The following TRANK1 variants were observed in gnomAD, a reference collection of about 807,000 sequenced individuals.
The protein encoded by TRANK1 is TPR and ankyrin repeat-containing protein 1.
A neutral mutation model predicts 266.0 loss-of-function variants in TRANK1; 198 were observed. That is an observed-to-expected ratio of 0.74 (90% CI 0.66 to 0.84). The LOEUF is 0.84. Among genes scored for constraint, TRANK1 ranks in the 40% least tolerant of loss-of-function variants. The pLI, the probability that TRANK1 is intolerant of heterozygous loss-of-function variation, is 0.00. For missense variants in TRANK1, 3,326 were observed against 3,634.6 expected (o/e 0.92, Z 2.18); for synonymous variants, 1,396 against 1,384.1 (o/e 1.01, Z -0.19).
rs190790392 is a variant in TRANK1, at chr3:36,923,893, G to A, written c.24-15439C>T. 6.7e-4 allele frequency among the ~76,000 whole-genome samples: 102 copies of A among 152,328 alleles called. 1 individual carries two copies. Among genetic ancestry groups the A allele is most frequent in the African/African-American group, 2.3e-3 (95 of 41,586 alleles). ...TTCTTAACCATCCTGGTGCTCTCCA[G>A]TGCTGCCTGAAGGCCAAAGGGTGAA... On this transcript the variant is annotated intron_variant, in intron 1 of 23. Coordinates refer to ENST00000645898, the MANE Select transcript of TRANK1 (RefSeq NM_001329998.2).
intron 8 of TRANK1, among the ~76,000 whole-genome samples, chr3:36,889,285 G>C (rs2079652339): frequency 6.6e-6 from 1 of 152,216 alleles, no homozygotes; most frequent in Non-Finnish European, 1.5e-5. Flanking sequence ...CTCTGAGAGA[G>C]TGAACACAGC....
At chr3:36,900,572 T>G (rs1330387542) in intron 3 of TRANK1, among the ~76,000 whole-genome samples, 1 of 151,950 alleles carries the variant, frequency 6.6e-6, no homozygotes, top group Non-Finnish European at 1.5e-5. Context: ...ACCAAAACAA[T>G]TTTCTGTCTC....
At position 36,943,137 on chromosome 3, in the gene TRANK1, A is replaced by G. The variant is rs61117941; in HGVS notation, c.23+1650T>C. On this transcript the variant is annotated intron_variant, in intron 1 of 23. Coordinates refer to ENST00000645898, the MANE Select transcript of TRANK1 (RefSeq NM_001329998.2). The stretch of plus-strand genomic sequence containing the variant: ...AACCCAGGAGGCGGAGGCTGCAGTG[A>G]GCCGAGATCGCCTCATTGCACTCCA... 3.1e-3 allele frequency among the ~76,000 whole-genome samples: 468 copies of G among 151,658 alleles called. 4 individuals carry two copies. Among genetic ancestry groups the G allele is most frequent in the African/African-American group, 0.011 (435 of 41,356 alleles).
In TRANK1 at chr3:36,855,591, C is replaced by A. The variant is rs1212566293; in HGVS notation, c.4131G>T (p.Gly1377=). 12 of 1,613,708 alleles carry A rather than the reference C, an allele frequency of 7.4e-6. No individual in the cohort carries two copies. The highest frequency in any genetic ancestry group is 1.0e-5 in the Non-Finnish European group (12 of 1,179,852). ...RLTEEVYKKL[G]RKRCPNFKED... is the part of the protein sequence containing the mutation. ...CCTTGAAATTGGGGCACCGTTTCCT[C>A]CCTAATTTCTTATATACTTCTTCAG... is the stretch of plus-strand genomic sequence containing the variant. Residue 1377 remains glycine, a synonymous_variant, in exon 13 of 24, where the codon GGG becomes GGT. Coordinates refer to ENST00000645898, the MANE Select transcript of TRANK1 (RefSeq NM_001329998.2).
chr3:36,889,799 G>A (rs2079660439), intron 8 of TRANK1, 30 bp downstream of exon 8: 1 of 1,513,750 alleles, frequency 6.6e-7, no homozygotes, highest in East Asian at 2.5e-5. Flanking sequence ...GCCAGCCACA[G>A]CGCACCCTCT....
intron 1 of TRANK1, among the ~76,000 whole-genome samples, chr3:36,943,953 C>T (rs1408373759): frequency 6.6e-6 from 1 of 152,154 alleles, no homozygotes; most frequent in African/African-American, 2.4e-5. Context: ...AAGCTTTCAA[C>T]TGCCCAGAAA....
chr3:36,852,788 A>C (rs1161829405), intron 13 of TRANK1, among the ~76,000 whole-genome samples: 55 of 150,592 alleles, frequency 3.7e-4, no homozygotes, highest in Non-Finnish European at 6.2e-4. Context: ...AAAAAAAAAA[A>C]AAAAAAAAAA....
intron 17 of TRANK1, 69 bp downstream of exon 17, chr3:36,846,179 C>A: frequency 1.4e-6 from 2 of 1,408,030 alleles, no homozygotes; most frequent in Non-Finnish European, 1.9e-6. Flanking sequence ...CCTTTTATTC[C>A]TGACCATAAG....
At chr3:36,834,571 A>T (rs2078741608) in intron 21 of TRANK1, 191 bp downstream of exon 21, 1 of 574,550 alleles carries the variant, frequency 1.7e-6, no homozygotes, top group East Asian at 3.0e-5. Context: ...CAAAGCTTAT[A>T]AAGAGACTGG....
chr3:36,868,477 AAGG>A, intron 9 of TRANK1, among the ~76,000 whole-genome samples: 1 of 152,342 alleles, frequency 6.6e-6, no homozygotes, highest in East Asian at 1.9e-4. Context: ...ATTATTTCAA[AAGG>A]AGATTTCATT....
chr3:36,914,626 A>ATTATTTAT (rs146080846), intron 1 of TRANK1, among the ~76,000 whole-genome samples: 17 of 151,036 alleles, frequency 1.1e-4, no homozygotes, highest in African/African-American at 3.7e-4. Context: ...ATTTTTCTAG[A>ATTATTTAT]TTATTTATTT....
Position 36,903,165 on chromosome 3 carries a change from T to G in TRANK1, c.266A>C (p.Asp89Ala). 6.5e-7 allele frequency: 1 copy of G among 1,537,256 alleles called. No homozygotes were observed. Among genetic ancestry groups the G allele is most frequent in the Middle Eastern group, 1.7e-4 (1 of 5,990 alleles). Reference sequence around the variant, plus strand: ...ACCCCATACCTTCACGTAGGTTGGATCCCATTGGAGACATTCCTTGGCAGC... The same window carrying G: ...ACCCCATACCTTCACGTAGGTTGGAGCCCATTGGAGACATTCCTTGGCAGC... ...FVAAKECLQW[D>A]PTYVKGYYRA... Residue 89 changes from aspartate (D) to alanine (A), a missense_variant, in exon 3 of 24, where the codon GAT becomes GCT. Transcript: ENST00000645898.
In TRANK1 at chr3:36,858,195, T is replaced by C. The variant is rs1295831629; in HGVS notation, c.1673-146A>G. ...ATCTGAAATCCATTAAAGAGCTCAG[T>C]GGTTCTCAACCAATGGTGATTTACT... On this transcript the variant is annotated intron_variant, in intron 12 of 23. Coordinates refer to ENST00000645898, the MANE Select transcript of TRANK1 (RefSeq NM_001329998.2). 4 of 681,376 alleles carry C rather than the reference T, an allele frequency of 5.9e-6. No homozygotes were observed. The Admixed American group carries it at 9.2e-5, about 16-fold the overall frequency. The allele number at this position is 681,376 out of a possible 1,614,324, so 42.2% of individuals were successfully genotyped here.
At position 36,857,576 on chromosome 3, in the gene TRANK1, T is replaced by C; in HGVS notation, c.2146A>G (p.Thr716Ala). The C allele has an allele frequency of 6.2e-7, 1 of 1,614,040 alleles. No homozygotes were observed. Among genetic ancestry groups the C allele is most frequent in the East Asian group, 2.2e-5 (1 of 44,878 alleles). Residue 716 changes from threonine to alanine, a missense_variant, in exon 13 of 24, where the codon ACC becomes GCC. Thr to Ala is a moderately conservative substitution (Grantham distance 58, BLOSUM62 0). Transcript: ENST00000645898. This position sits in a 1 kb window ranked among gnomAD's most constrained non-coding sequence, Gnocchi z 4.3. Reference protein sequence around the residue: ...SWETLPGTQVTRKEPGALRPC... With the variant: ...SWETLPGTQVARKEPGALRPC... ...CTGAGAGCTCCAGGCTCCTTCCTGG[T>C]CACCTGGGTACCTGGGAGAGTCTCC... is the stretch of plus-strand genomic sequence containing the variant.
chr3:36,918,962 G>A (rs1050511354), intron 1 of TRANK1, among the ~76,000 whole-genome samples: 1 of 152,276 alleles, frequency 6.6e-6, no homozygotes, highest in Admixed American at 6.5e-5. Flanking sequence ...ATCACAGGCA[G>A]GTGGGTTTGC....
chr3:36,908,354 T>C lies in TRANK1; in HGVS notation c.124A>G (p.Ile42Val). 1 of 1,232,244 alleles carries C rather than the reference T, an allele frequency of 8.1e-7. No individual in the cohort carries two copies. The highest frequency in any genetic ancestry group is 1.0e-6 in the Non-Finnish European group (1 of 987,996). The allele number at this position is 1,232,244 out of a possible 1,614,324, so 76.3% of individuals were successfully genotyped here. A position where few individuals can be genotyped will look rare whatever the true frequency, so the allele number is the denominator to read the frequency against. ...TGGTATAACTGCAGGAGAATCTGGA[T>C]GGCTTCATCGTACTTTCTGATGGCC... ...SLAIRKYDEA[I>V]QILLQLYQWG... Residue 42 changes from isoleucine (I) to valine (V), a missense_variant, in exon 2 of 24, where the codon ATC (isoleucine) becomes GTC (valine). Physicochemically the swap from Ile to Val is conservative, Grantham distance 29 (BLOSUM62 3). Coordinates refer to ENST00000645898, the MANE Select transcript of TRANK1 (RefSeq NM_001329998.2).
intron 9 of TRANK1, among the ~76,000 whole-genome samples, chr3:36,865,962 G>C (rs770661241): frequency 6.6e-6 from 1 of 150,592 alleles, no homozygotes; most frequent in South Asian, 2.1e-4. Flanking sequence ...GAGAGACAGA[G>C]AGAGACAGAG....
At chr3:36,868,591 A>T (rs1191296420) in intron 9 of TRANK1, among the ~76,000 whole-genome samples, 1 of 152,188 alleles carries the variant, frequency 6.6e-6, no homozygotes, top group South Asian at 2.1e-4. Context: ...ACATTTTATA[A>T]AAGAAAATAT....
chr3:36,845,285 A>T (rs2078900216), intron 17 of TRANK1, among the ~76,000 whole-genome samples: 1 of 152,196 alleles, frequency 6.6e-6, no homozygotes, highest in South Asian at 2.1e-4. Context: ...AATACAGATA[A>T]GTTTTCTGAT....
Sources: gnomAD v4.1 joint callset for allele counts (sites outside exome capture counted in the v4.1 genomes callset) on GRCh38, gnomAD v4.1.1 for gene constraint, Gnocchi (gnomAD v3.1) non-coding constraint, MANE v1.5 for transcripts, NCBI Gene and HGNC (gene_info 2026-07-23, HGNC 2026-07-21) for gene names.